STK31: variants seen among roughly 807,000 people sequenced by gnomAD.
STK31 encodes the protein serine/threonine-protein kinase 31.
A neutral mutation model predicts 129.7 loss-of-function variants in STK31; 89 were observed. The ratio of observed to expected loss-of-function variants is 0.69; its 90% CI spans 0.58 to 0.82. STK31 has a LOEUF of 0.82. STK31 is among the 40% of genes least tolerant of loss of function. The pLI, the probability that STK31 is intolerant of heterozygous loss-of-function variation, is 0.00. For missense variants in STK31, 1,187 were observed against 1,176.4 expected, an observed-to-expected ratio of 1.01 and a Z score of -0.13; for synonymous variants, 448 against 395.3, an observed-to-expected ratio of 1.13 and a Z score of -1.58.
intron 4 of STK31, among the ~76,000 whole-genome samples, chr7:23,720,465 A>G (rs190648869): frequency 2.2e-4 from 33 of 152,280 alleles, no homozygotes; most frequent in African/African-American, 7.5e-4. Context: ...TCTTATCAAG[A>G]GTCACACGTA....
intron 11 of STK31, 71 bp from the exon 12 acceptor site, chr7:23,768,924 G>A (rs999528650): frequency 7.8e-7 from 1 of 1,282,980 alleles, no homozygotes; most frequent in Non-Finnish European, 1.0e-6. Flanking sequence ...CTACCCCTTA[G>A]ATCCTAACAC....
rs191598842 is a variant in STK31, at chr7:23,741,636, T to C, written c.1017+4558T>C. 3.2e-3 allele frequency among the ~76,000 whole-genome samples: 489 copies of C among 152,316 alleles called. 4 individuals carry two copies. Among genetic ancestry groups the C allele is most frequent in the Middle Eastern group, 0.01 (3 of 294 alleles). On this transcript the variant is annotated intron_variant, in intron 8 of 23. Coordinates refer to ENST00000355870, the MANE Select transcript of STK31 (RefSeq NM_031414.5). ...CCCAGTCTCTGACCAGAGACTAGAA[T>C]GTCTGCTGTGGCTACTGCTGCCAGG...
At chr7:23,758,469 C>T (rs1280864142) in intron 10 of STK31, among the ~76,000 whole-genome samples, 4 of 147,216 alleles carry the variant, frequency 2.7e-5, no homozygotes, top group African/African-American at 7.5e-5. Flanking sequence ...GTGTCTCTGT[C>T]TCCTTCAATT....
At chr7:23,774,248 G>T (rs1462942587) in intron 15 of STK31, among the ~76,000 whole-genome samples, 1 of 152,184 alleles carries the variant, frequency 6.6e-6, no homozygotes, top group Admixed American at 6.5e-5. Context: ...ACATACGTGT[G>T]CATGTGTCTT....
chr7:23,825,108 C>T (rs575937583), intron 23 of STK31, among the ~76,000 whole-genome samples: 4 of 152,124 alleles, frequency 2.6e-5, no homozygotes, highest in African/African-American at 7.2e-5. Context: ...TGATGCTGGC[C>T]TCATAAAATG....
chr7:23,796,631 T>A (rs1428364674), intron 22 of STK31, among the ~76,000 whole-genome samples: 1 of 152,126 alleles, frequency 6.6e-6, no homozygotes, highest in Non-Finnish European at 1.5e-5. Context: ...TGCAGAACAG[T>A]TCCATAACCC....
intron 1 of STK31, among the ~76,000 whole-genome samples, chr7:23,711,428 G>C (rs1283811532): frequency 2.2e-5 from 3 of 135,052 alleles, no homozygotes; most frequent in Non-Finnish European, 4.7e-5. Flanking sequence ...TCGTTTGGGG[G>C]GAAAAAAAAA....
intron 8 of STK31, among the ~76,000 whole-genome samples, chr7:23,750,066 T>TCCC (rs1788609697): frequency 2.6e-5 from 2 of 77,670 alleles, no homozygotes; most frequent in Admixed American, 1.8e-4. Flanking sequence ...AATGGTTTGT[T>TCCC]TCCCCCCCCG....
At chr7:23,760,700 C>T (rs1789411242) in intron 10 of STK31, among the ~76,000 whole-genome samples, 1 of 152,076 alleles carries the variant, frequency 6.6e-6, no homozygotes, top group Admixed American at 6.6e-5. Flanking sequence ...CACTCTGTCA[C>T]CCAGGCTGGA....
At chr7:23,818,811 G>C (rs1245898743) in intron 23 of STK31, among the ~76,000 whole-genome samples, 1 of 152,086 alleles carries the variant, frequency 6.6e-6, no homozygotes, top group Non-Finnish European at 1.5e-5. Context: ...TTTTAGTAGA[G>C]ATGGGGTTTT....
rs370091919 is a variant in STK31 at position 23,786,487 on chromosome 7, T to C, written c.2275-21T>C. On this transcript the variant is annotated intron_variant, in intron 18 of 23. Coordinates refer to ENST00000355870, the MANE Select transcript of STK31 (RefSeq NM_031414.5). ...GAGATTTTCATCTTGGAATTACGAG[T>C]GCCTCTTTCTTTGGTACAAGGGCTA... is the stretch of plus-strand genomic sequence containing the variant. 5.3e-5 allele frequency: 83 copies of C among 1,572,872 alleles called. No individual in the cohort carries two copies. In the African/African-American group the frequency reaches 1.1e-3, roughly 21 times the overall value.
At chr7:23,810,899 T>G (rs1793089104) in intron 22 of STK31, among the ~76,000 whole-genome samples, 1 of 136,764 alleles carries the variant, frequency 7.3e-6, no homozygotes, top group African/African-American at 2.7e-5. Context: ...TATTTATATA[T>G]AAATATACAT....
At chr7:23,787,359 T>G (rs549308451) in intron 20 of STK31, among the ~76,000 whole-genome samples, 3 of 152,162 alleles carry the variant, frequency 2.0e-5, no homozygotes, top group African/African-American at 7.2e-5. Flanking sequence ...CAGTCTCTTA[T>G]AGCTACTTTA....
In STK31 at chr7:23,785,490, C is replaced by G. The variant is rs773676449; in HGVS notation, c.2161C>G (p.Leu721Val). 8.1e-6 allele frequency: 13 copies of G among 1,613,530 alleles called. No homozygotes were observed. Among genetic ancestry groups the G allele is most frequent in the Non-Finnish European group, 1.0e-5 (12 of 1,179,656 alleles). Reference sequence around the variant, plus strand: ...AACTTGTGCCTAGAACTCTGGTGGTCTCCTTACAATGAGCTTGGAACGAGA... The same window carrying G: ...AACTTGTGCCTAGAACTCTGGTGGTGTCCTTACAATGAGCTTGGAACGAGA... ...GLLKYMNSGG[L>V]LTMSLERDLL... The change falls in exon 18 of 24, where the codon CTC becomes GTC. Residue 721 changes from leucine (L) to valine (V), a missense_variant. Around this residue, in one of 5 missense-constraint regions of STK31, gnomAD observed 975 missense variants for 934.9 expected, o/e 1.04. Coordinates refer to ENST00000355870, the MANE Select transcript of STK31 (RefSeq NM_031414.5).
chr7:23,772,242 C>A lies in STK31; in HGVS notation c.1929C>A (p.Leu643=). ...CATTGAAAAGCTTAAAAGCTCTACTCAGATGGAAATTGGTTGAAAAGAGTA... is the reference window on the plus strand; with the variant it reads ...CATTGAAAAGCTTAAAAGCTCTACTAAGATGGAAATTGGTTGAAAAGAGTA... ...KKTLKSLKAL[L]RWKLVEKSNL... is the part of the protein sequence containing the mutation. Residue 643 remains leucine (L), a synonymous_variant, in exon 15 of 24, where the codon CTC becomes CTA. Coordinates refer to ENST00000355870, the MANE Select transcript of STK31 (RefSeq NM_031414.5). 6.2e-7 allele frequency: 1 copy of A among 1,608,490 alleles called. No individual in the cohort carries two copies. Among genetic ancestry groups the A allele is most frequent in the Non-Finnish European group, 8.5e-7 (1 of 1,177,828 alleles).
rs1357754057 is a variant in STK31, at chr7:23,782,993, A to G, written c.2068-590A>G. Among the ~76,000 whole-genome samples, 3 of 152,194 alleles carry G rather than the reference A, an allele frequency of 2.0e-5. No individual in the cohort carries two copies. In the East Asian group the frequency reaches 5.8e-4, roughly 29 times the overall value. ...AGATGGTAGTTTAGATGGGTTAAAA[A>G]AAAAAACTTCAGCCAACTTAAATTT... On this transcript the variant is annotated intron_variant, in intron 16 of 23. Transcript: ENST00000355870.
intron 6 of STK31, among the ~76,000 whole-genome samples, chr7:23,731,152 G>A (rs1425500021): frequency 6.6e-6 from 1 of 151,806 alleles, no homozygotes; most frequent in Non-Finnish European, 1.5e-5. Flanking sequence ...CCAAAGTGCT[G>A]GGATTACAGG....
At chr7:23,740,303 T>C (rs1311555670) in intron 8 of STK31, among the ~76,000 whole-genome samples, 4 of 152,198 alleles carry the variant, frequency 2.6e-5, no homozygotes, top group African/African-American at 9.6e-5. Context: ...TTTTTCTTTT[T>C]GATGCACACA....
chr7:23,745,315 AG>A (rs1788283631), intron 8 of STK31, among the ~76,000 whole-genome samples: 1 of 152,026 alleles, frequency 6.6e-6, no homozygotes, highest in African/African-American at 2.4e-5. Flanking sequence ...CCAGGTGGTG[AG>A]TGCAGACTCT....
Sources: allele counts gnomAD v4.1 joint callset (sites outside exome capture counted in the v4.1 genomes callset), GRCh38; gene constraint gnomAD v4.1.1; regional missense constraint gnomAD v4.1.1; transcripts MANE v1.5; gene names NCBI Gene and HGNC (gene_info 2026-07-23, HGNC 2026-07-21).